Variants in SANBR observed in about 807,000 individuals in gnomAD.
The protein encoded by SANBR is SANT and BTB domain regulator of class switch recombination.
Under a neutral mutation model 101.8 loss-of-function variants are expected in SANBR, and 77 were observed. That is an observed-to-expected ratio of 0.76 (90% confidence interval 0.63 to 0.91). The LOEUF is 0.91. Ranked by LOEUF, SANBR falls within the 40% of genes least tolerant of loss-of-function variation. The pLI is 0.00. For missense variants in SANBR, 875 were observed against 853.0 expected, an observed-to-expected ratio of 1.03 and a Z score of -0.32; for synonymous variants, 279 against 274.7, an observed-to-expected ratio of 1.02 and a Z score of -0.15.
intron 10 of SANBR, chr2:61,090,790 A>G (rs1402171906): frequency 1.3e-5 from 2 of 153,012 alleles, no homozygotes; most frequent in East Asian, 3.8e-4. Flanking sequence ...GCTGGTCTTC[A>G]ACTCCTGGCC....
At chr2:61,072,821 CTT>C (rs70959893) in intron 4 of SANBR, among the ~76,000 whole-genome samples, 8 of 31,658 alleles carry the variant, frequency 2.5e-4, no homozygotes, top group Middle Eastern at 0.025. Flanking sequence ...TCTCATGTTA[CTT>C]TTTTTTTTTT....
intron 5 of SANBR, 25 bp from the exon 6 acceptor site, chr2:61,076,895 A>G: frequency 6.6e-7 from 1 of 1,517,008 alleles, no homozygotes; most frequent in Non-Finnish European, 9.1e-7. Context: ...TAATAATTTC[A>G]TTTTTGTGTA....
Position 61,118,092 on chromosome 2 carries a change from A to G in SANBR, c.2004A>G (p.Arg668=). 6.2e-7 allele frequency: 1 copy of G among 1,613,400 alleles called. No homozygotes were observed. Residue 668 remains arginine, a synonymous_variant, in exon 20 of 22, where the codon CGA becomes CGG. Transcript: ENST00000402291. ...AAATGAGATTGGGGGATCTGGACCGAGTCAAGTCAAAGGAAGCAAAAGAAG... is the reference window on the plus strand; with the variant it reads ...AAATGAGATTGGGGGATCTGGACCGGGTCAAGTCAAAGGAAGCAAAAGAAG... ...LIKMRLGDLD[R]VKSKEAKEFA...
At chr2:61,108,115 A>G (rs1683660696) in intron 14 of SANBR, among the ~76,000 whole-genome samples, 1 of 152,192 alleles carries the variant, frequency 6.6e-6, no homozygotes, top group African/African-American at 2.4e-5. Flanking sequence ...TCTTTCTTTT[A>G]GAAAACATCC....
At chr2:61,105,302 G>C (rs1434686141) in intron 13 of SANBR, among the ~76,000 whole-genome samples, 1 of 151,858 alleles carries the variant, frequency 6.6e-6, no homozygotes, top group Non-Finnish European at 1.5e-5. Flanking sequence ...GGAGGCATAG[G>C]CTACAGTGAG....
At chr2:61,136,387 C>A (rs1380007394) in intron 21 of SANBR, among the ~76,000 whole-genome samples, 1 of 151,772 alleles carries the variant, frequency 6.6e-6, no homozygotes, top group East Asian at 1.9e-4. Context: ...GTAATCCTAG[C>A]AGTTTGGGAG....
In SANBR at chr2:61,095,115, G is replaced by T. The variant is rs374263605; in HGVS notation, c.1212+2528G>T. Among the ~76,000 whole-genome samples the T allele has an allele frequency of 2.8e-4, 42 of 152,190 alleles. No individual in the cohort carries two copies. In the East Asian group the frequency reaches 5.6e-3, roughly 20 times the overall value. On this transcript the variant is annotated intron_variant, in intron 11 of 21. Coordinates refer to ENST00000402291, the MANE Select transcript of SANBR (RefSeq NM_001129993.3). ...GTAGCAATTGATATAGTCAGGTTTG[G>T]GTTTTTTGTTAATCTAATAGGTGTG...
At chr2:61,096,940 G>C (rs538771569) in intron 11 of SANBR, among the ~76,000 whole-genome samples, 2 of 152,236 alleles carry the variant, frequency 1.3e-5, no homozygotes, top group East Asian at 1.9e-4. Flanking sequence ...GATCACCTGA[G>C]GTCAGAAGTT....
At chr2:61,084,937 T>A (rs1682344011) in intron 8 of SANBR, among the ~76,000 whole-genome samples, 1 of 152,146 alleles carries the variant, frequency 6.6e-6, no homozygotes, top group Non-Finnish European at 1.5e-5. Flanking sequence ...GATTCCAGGA[T>A]AATTATTAGG....
At chr2:61,087,034 A>C (rs529018647) in intron 8 of SANBR, among the ~76,000 whole-genome samples, 1 of 152,330 alleles carries the variant, frequency 6.6e-6, no homozygotes, top group Non-Finnish European at 1.5e-5. Flanking sequence ...TATATTATGC[A>C]TAATAATTAA....
Position 61,065,917 on chromosome 2 carries a change from C to A in SANBR, c.-257C>A, listed in dbSNP as rs866265753. On this transcript the variant is annotated 5_prime_UTR_variant, in exon 1 of 22. It adds an upstream start codon to the 5' untranslated region. Transcript: ENST00000402291. ...GCGGGCGGGGGCGGGGTGTGAGGCG[C>A]TGCGGACGGGGTTGCGGGCTCGGTA... is the stretch of plus-strand genomic sequence containing the variant. 2.0e-5 allele frequency: 3 copies of A among 152,138 alleles called. No individual in the cohort carries two copies. Among genetic ancestry groups the A allele is most frequent in the African/African-American group, 7.2e-5 (3 of 41,408 alleles). 9.4% of individuals were successfully genotyped at this position (152,138 alleles called of 1,614,324 possible). A position where few individuals can be genotyped will look rare whatever the true frequency, so the allele number is the denominator to read the frequency against.
At position 61,122,779 on chromosome 2, in the gene SANBR, CT is replaced by C. The variant is rs1003463284; in HGVS notation, c.*625del. The C allele has an allele frequency of 5.5e-5, 54 of 984,882 alleles. No individual in the cohort carries two copies. Among genetic ancestry groups the C allele is most frequent in the South Asian group, 2.8e-4 (6 of 21,272 alleles). The allele number at this position is 984,882 out of a possible 1,614,324, so 61.0% of individuals were successfully genotyped here. On this transcript the variant is annotated 3_prime_UTR_variant, in exon 22 of 22. Coordinates refer to ENST00000402291, the MANE Select transcript of SANBR (RefSeq NM_001129993.3). Reference sequence around the variant, plus strand: ...CGTGGAAAGTACAATGTTAATCCAACTTTTTTTTCTTTCAGTTTTTAATGCT... The same window carrying C: ...CGTGGAAAGTACAATGTTAATCCAACTTTTTTTCTTTCAGTTTTTAATGCT...
At position 61,122,462 on chromosome 2, in the gene SANBR, G is replaced by C; in HGVS notation, c.*300G>C. On this transcript the variant is annotated 3_prime_UTR_variant, in exon 22 of 22. Transcript: ENST00000402291. The stretch of plus-strand genomic sequence containing the variant: ...TGTTTTCCTTTATTTATTTGAAAAA[G>C]AAAGGCCTAAACTGTCAGGTAGCCA... The C allele has an allele frequency of 9.1e-7, 1 of 1,095,852 alleles. No individual in the cohort carries two copies. Among genetic ancestry groups the C allele is most frequent in the Non-Finnish European group, 1.1e-6 (1 of 902,034 alleles). The allele number at this position is 1,095,852 out of a possible 1,614,324, so 67.9% of individuals were successfully genotyped here. A position where few individuals can be genotyped will look rare whatever the true frequency, so the allele number is the denominator to read the frequency against.
At position 61,101,637 on chromosome 2, in the gene SANBR, G is replaced by T. The variant is rs370975671; in HGVS notation, c.1366-2216G>T. On this transcript the variant is annotated intron_variant, in intron 12 of 21. Transcript: ENST00000402291. ...AGTTCCAGCTACTCGGGAGGCTGAG[G>T]CAGGAGAATGGTGTGAACCTGGGAG... Among the ~76,000 whole-genome samples, 31 of 152,188 alleles carry T rather than the reference G, an allele frequency of 2.0e-4. No homozygotes were observed. In the East Asian group the frequency reaches 3.1e-3, roughly 15 times the overall value.
intron 10 of SANBR, chr2:61,089,742 G>C (rs1271973605): frequency 6.6e-6 from 1 of 152,326 alleles, no homozygotes. Flanking sequence ...TTCTCATTCT[G>C]AGTTGAGGGT....
downstream of SANBR, among the ~76,000 whole-genome samples, chr2:61,124,987 A>C (rs750977209): frequency 6.6e-6 from 1 of 152,230 alleles, no homozygotes; most frequent in Non-Finnish European, 1.5e-5. Flanking sequence ...AATTCCTGGA[A>C]TTAATTCTGC....
At chr2:61,120,681 C>T (rs539626928) in intron 20 of SANBR, among the ~76,000 whole-genome samples, 1 of 152,194 alleles carries the variant, frequency 6.6e-6, no homozygotes, top group African/African-American at 2.4e-5. Flanking sequence ...GCCTTGATCG[C>T]ACCACTGCAC....
chr2:61,115,167 C>G (rs1684013930), intron 16 of SANBR, among the ~76,000 whole-genome samples: 1 of 152,054 alleles, frequency 6.6e-6, no homozygotes, highest in Non-Finnish European at 1.5e-5. Flanking sequence ...CCATATGGGC[C>G]TGGAGCTTTT....
intron 16 of SANBR, 129 bp from the exon 17 acceptor site, chr2:61,115,850 T>C (rs1265926681): frequency 1.8e-6 from 1 of 566,018 alleles, no homozygotes; most frequent in Non-Finnish European, 3.1e-6. Context: ...ATTTGCTTTC[T>C]ATCCAGAGGT....
Sources: gnomAD v4.1 joint callset for allele counts (sites outside exome capture counted in the v4.1 genomes callset) on GRCh38, gnomAD v4.1.1 for gene constraint, MANE v1.5 for transcripts, NCBI Gene and HGNC (gene_info 2026-07-23, HGNC 2026-07-21) for gene names.